The following NPAS3 variants were observed in gnomAD, a reference collection of about 807,000 sequenced individuals.
The protein encoded by NPAS3 is neuronal PAS domain-containing protein 3.
A neutral mutation model predicts 73.1 loss-of-function variants in NPAS3; 14 were observed. The observed-to-expected ratio is 0.19, with a 90% CI of 0.13 to 0.30. NPAS3 has a LOEUF of 0.30. Among genes scored for constraint, NPAS3 ranks in the 10% least tolerant of loss-of-function variants. The pLI is 1.00. For synonymous variants in NPAS3, 620 were observed against 541.5 expected (o/e 1.14, Z -2.01); for missense variants, 1,096 against 1,250.0 (o/e 0.88, Z 1.86).
chr14:33,010,203 G>A lies in NPAS3; in HGVS notation c.51-45702G>A, dbSNP rs528349576. Among the ~76,000 whole-genome samples the A allele has an allele frequency of 1.6e-4, 25 of 152,308 alleles. No homozygotes were observed. In the East Asian group the frequency reaches 4.8e-3, roughly 29 times the overall value. Reference sequence around the variant, plus strand: ...ACCCTAAACTCTGGATGAAGGAGATGTTGTATAGTTAGCATGAACCTCTCT... The same window carrying A: ...ACCCTAAACTCTGGATGAAGGAGATATTGTATAGTTAGCATGAACCTCTCT... On this transcript the variant is annotated intron_variant, in intron 1 of 11. Coordinates refer to ENST00000356141, the Ensembl canonical transcript of NPAS3.
intron 2 of NPAS3, among the ~76,000 whole-genome samples, chr14:33,152,519 T>G (rs1288344636): frequency 2.0e-5 from 3 of 152,150 alleles, no homozygotes; most frequent in Non-Finnish European, 2.9e-5. Context: ...GCGCACATTC[T>G]CTGGTAGTTT....
chr14:33,231,781 G>T (rs2047860253), intron 3 of NPAS3, among the ~76,000 whole-genome samples: 1 of 152,136 alleles, frequency 6.6e-6, no homozygotes, highest in South Asian at 2.1e-4. Flanking sequence ...AGGGGGAAAA[G>T]AAGGGGTGTT....
At chr14:33,786,573 G>A (rs1469118635) in intron 9 of NPAS3, among the ~76,000 whole-genome samples, 1 of 152,202 alleles carries the variant, frequency 6.6e-6, no homozygotes, top group Admixed American at 6.5e-5. Flanking sequence ...AAAGGGAGGT[G>A]AAGAATGCAC....
chr14:33,326,160 G>C (rs940693369), intron 3 of NPAS3, among the ~76,000 whole-genome samples: 4 of 152,142 alleles, frequency 2.6e-5, no homozygotes, highest in African/African-American at 9.7e-5. Flanking sequence ...TGGGAAGAGA[G>C]AGTGAGAAAC....
At chr14:33,799,682 T>C (rs936528363) in intron 11 of NPAS3, 52 bp from the exon 12 acceptor site, 235 of 1,538,210 alleles carry the variant, frequency 1.5e-4, no homozygotes, top group Non-Finnish European at 1.9e-4. Flanking sequence ...CCTGGTGTCT[T>C]CTCTCTCTTC....
At chr14:33,156,730 T>C (rs1025938802) in intron 2 of NPAS3, among the ~76,000 whole-genome samples, 10 of 152,204 alleles carry the variant, frequency 6.6e-5, no homozygotes, top group Admixed American at 2.0e-4. Context: ...ATTACAAATA[T>C]AAACTGGGGA....
intron 4 of NPAS3, among the ~76,000 whole-genome samples, chr14:33,370,248 G>A (rs2046027930): frequency 6.6e-6 from 1 of 152,132 alleles, no homozygotes; most frequent in Admixed American, 6.6e-5. Flanking sequence ...CAAGTACTAT[G>A]GGGCCACAAA....
chr14:33,542,351 TC>T (rs1330196136), intron 4 of NPAS3, among the ~76,000 whole-genome samples: 2 of 152,138 alleles, frequency 1.3e-5, no homozygotes, highest in Non-Finnish European at 2.9e-5. Flanking sequence ...CACTGTCACT[TC>T]CTTGAATCCT....
chr14:33,194,803 G>T (rs915543963), intron 2 of NPAS3, among the ~76,000 whole-genome samples: 14 of 152,134 alleles, frequency 9.2e-5, no homozygotes, highest in Admixed American at 7.9e-4. Context: ...GGTTTTCAAT[G>T]GCTAAAATAG....
chr14:33,560,343 T>C (rs555577286), intron 5 of NPAS3, 133 bp downstream of exon 5: 127 of 503,998 alleles, frequency 2.5e-4, no homozygotes, highest in African/African-American at 2.2e-3. Context: ...ACCTGACTGT[T>C]CTCTCAAAGT....
intron 4 of NPAS3, among the ~76,000 whole-genome samples, chr14:33,554,966 T>C (rs1827584742): frequency 6.6e-6 from 1 of 151,780 alleles, no homozygotes; most frequent in South Asian, 2.1e-4. Flanking sequence ...TGCCTTACAC[T>C]TTATATGTTA....
intron 5 of NPAS3, among the ~76,000 whole-genome samples, chr14:33,621,581 G>A (rs2058076274): frequency 6.6e-6 from 1 of 152,154 alleles, no homozygotes; most frequent in Non-Finnish European, 1.5e-5. Context: ...TAAATAGCTA[G>A]TAAGTTCCAA....
At chr14:33,081,868 T>C (rs1456249276) in intron 2 of NPAS3, among the ~76,000 whole-genome samples, 1 of 152,234 alleles carries the variant, frequency 6.6e-6, no homozygotes. Flanking sequence ...TTTTGGGTTA[T>C]TTTGGTGATA....
intron 4 of NPAS3, among the ~76,000 whole-genome samples, chr14:33,391,458 G>A (rs2047001917): frequency 6.6e-6 from 1 of 152,130 alleles, no homozygotes; most frequent in Non-Finnish European, 1.5e-5. Flanking sequence ...CTCCCAAAGT[G>A]CTGGGATTAC....
At chr14:32,989,586 A>G (rs915553797) in intron 1 of NPAS3, among the ~76,000 whole-genome samples, 1 of 152,156 alleles carries the variant, frequency 6.6e-6, no homozygotes, top group Non-Finnish European at 1.5e-5. Flanking sequence ...CGGAGCCTGC[A>G]GTGAGCCGAG....
intron 3 of NPAS3, among the ~76,000 whole-genome samples, chr14:33,280,000 C>G (rs540447836): frequency 6.6e-6 from 1 of 152,188 alleles, no homozygotes; most frequent in South Asian, 2.1e-4. Context: ...GAATGAAAAA[C>G]AAATGTCAGA....
At chr14:33,744,941 T>C (rs1006018067) in intron 7 of NPAS3, among the ~76,000 whole-genome samples, 1 of 151,970 alleles carries the variant, frequency 6.6e-6, no homozygotes, top group Non-Finnish European at 1.5e-5. Flanking sequence ...CTTCAATTTG[T>C]ATAAAGCACA....
intron 1 of NPAS3, among the ~76,000 whole-genome samples, chr14:32,955,954 TGAA>T (rs2036654429): frequency 6.6e-6 from 1 of 152,154 alleles, no homozygotes; most frequent in Non-Finnish European, 1.5e-5. Flanking sequence ...GTGGGGTCCC[TGAA>T]GATTATACCC....
chr14:33,180,799 C>CAAAAAAAAAAAAAAAAAA lies in NPAS3; in HGVS notation c.141-34381_141-34380insAAAAAAAAAAAAAAAAAA, dbSNP rs1555350930. Among the ~76,000 whole-genome samples, 4 of 69,346 alleles carry CAAAAAAAAAAAAAAAAAA rather than the reference C, an allele frequency of 5.8e-5. 2 individuals carry two copies. 45.5% of individuals were successfully genotyped at this position (69,346 alleles called of 152,430 possible). Reference sequence around the variant, plus strand: ...GGGCGACAGAGCGAGACACTGTCTCCAAGAAAAAAAAAAAAAAAAAAAAAA... The same window carrying CAAAAAAAAAAAAAAAAAA: ...GGGCGACAGAGCGAGACACTGTCTCCAAAAAAAAAAAAAAAAAAAAGAAAAAAAAAAAAAAAAAAAAAA... On this transcript the variant is annotated intron_variant, in intron 2 of 11. Coordinates refer to ENST00000356141, the Ensembl canonical transcript of NPAS3.
Sources: allele counts gnomAD v4.1 joint callset (sites outside exome capture counted in the v4.1 genomes callset), GRCh38; gene constraint gnomAD v4.1.1; transcripts MANE v1.5; gene names NCBI Gene and HGNC (gene_info 2026-07-23, HGNC 2026-07-21).